Variants in CCDC73 observed in about 807,000 individuals in gnomAD.
CCDC73 encodes the protein coiled-coil domain containing 73.
CCDC73 carries 95 observed loss-of-function variants against 116.5 expected under a neutral mutation model. The ratio of observed to expected loss-of-function variants is 0.82; its 90% CI spans 0.69 to 0.97. CCDC73 has a LOEUF of 0.97. Ranked by LOEUF, CCDC73 falls within the 50% of genes least tolerant of loss-of-function variation. The probability of loss-of-function intolerance (pLI) is 0.00; values close to 1 mark genes in which losing one functional copy is unlikely to be tolerated. For missense variants in CCDC73, 1,066 were observed against 1,206.8 expected, an observed-to-expected ratio of 0.88 and a Z score of 1.73; for synonymous variants, 398 against 401.3, an observed-to-expected ratio of 0.99 and a Z score of 0.10.
chr11:32,614,009 G>GA lies in CCDC73; in HGVS notation c.2308_2309insT (p.Thr770IlefsTer2), dbSNP rs1855447882. 6 of 1,611,140 alleles carry GA rather than the reference G, an allele frequency of 3.7e-6. No individual in the cohort carries two copies. The Middle Eastern group carries it at 4.9e-4, about 133-fold the overall frequency. The stretch of plus-strand genomic sequence containing the variant: ...ATGAAGATGGGAAATGTTCACATTA[G>GA]TGTTTTCTAAGTATCCCAAACAGTT... On this transcript the variant is annotated frameshift_variant, in exon 16 of 18. Transcript: ENST00000335185. LOFTEE classifies it high-confidence loss of function.
chr11:32,817,027 C>T, the CCDC73 span, among the ~76,000 whole-genome samples: 186 of 152,274 alleles, frequency 1.2e-3, 1 homozygote, highest in Non-Finnish European at 1.3e-3. Flanking sequence ...TCAAGTGATC[C>T]GCCTGCCTCT....
the CCDC73 span, among the ~76,000 whole-genome samples, chr11:32,824,116 A>G: frequency 2.5e-4 from 38 of 152,208 alleles, no homozygotes; most frequent in South Asian, 1.0e-3. Context: ...GCTGGTCTCG[A>G]ATTCCTGACC....
At chr11:32,666,248 T>A (rs531207808) in intron 9 of CCDC73, among the ~76,000 whole-genome samples, 2,570 of 152,304 alleles carry the variant, frequency 0.017, 75 homozygotes, top group African/African-American at 0.057. Context: ...AATACCCTGC[T>A]GAGTGGTTTT....
chr11:32,829,037 G>A, the CCDC73 span, among the ~76,000 whole-genome samples: 1 of 152,180 alleles, frequency 6.6e-6, no homozygotes, highest in South Asian at 2.1e-4. Flanking sequence ...TACTCTGGAG[G>A]ATGAGACAGG....
the CCDC73 span, among the ~76,000 whole-genome samples, chr11:32,815,929 T>C: frequency 6.6e-6 from 1 of 152,168 alleles, no homozygotes; most frequent in Middle Eastern, 3.4e-3. Context: ...TGGAGTGGGG[T>C]AAGGAATGGG....
At chr11:32,830,251 C>G in the CCDC73 span, 1 of 1,042,206 alleles carries the variant, frequency 9.6e-7, no homozygotes, top group Non-Finnish European at 1.2e-6. Context: ...GGGTTGGATT[C>G]GAACACATAG....
At chr11:32,737,239 G>A (rs1850141457) in intron 2 of CCDC73, among the ~76,000 whole-genome samples, 1 of 131,070 alleles carries the variant, frequency 7.6e-6, no homozygotes, top group South Asian at 2.5e-4. Context: ...GGCTGTGTGT[G>A]TGTGTGTGTG....
At chr11:32,826,645 T>G in the CCDC73 span, among the ~76,000 whole-genome samples, 1 of 73,200 alleles carries the variant, frequency 1.4e-5, no homozygotes, top group Non-Finnish European at 2.5e-5. Flanking sequence ...TGATAATAAC[T>G]CAAAAAAAAA....
Position 32,700,794 on chromosome 11 carries a change from T to C in CCDC73, c.312A>G (p.Glu104=). The change falls in exon 5 of 18, where the codon GAA becomes GAG. Residue 104 remains glutamate, a synonymous_variant. Coordinates refer to ENST00000335185, the MANE Select transcript of CCDC73 (RefSeq NM_001008391.4). ...LQMKMCALEE[E]KGKYQLATEI... The stretch of plus-strand genomic sequence containing the variant: ...ATTTTAAAAAAATTATAAATACCTT[T>C]TCTTCTTCCAGGGCACACATCTTCA... 7.1e-7 allele frequency: 1 copy of C among 1,409,856 alleles called. No homozygotes were observed. The highest frequency in any genetic ancestry group is 1.4e-5 in the South Asian group (1 of 72,488). 87.3% of individuals were successfully genotyped at this position (1,409,856 alleles called of 1,614,324 possible).
intron 6 of CCDC73, among the ~76,000 whole-genome samples, chr11:32,692,590 C>T (rs1212178473): frequency 6.6e-6 from 1 of 152,012 alleles, no homozygotes; most frequent in Non-Finnish European, 1.5e-5. Context: ...GATCATCTAT[C>T]CCATTACTCC....
chr11:32,777,251 T>A (rs1467200536), intron 1 of CCDC73, among the ~76,000 whole-genome samples: 1 of 151,378 alleles, frequency 6.6e-6, no homozygotes, highest in Non-Finnish European at 1.5e-5. Flanking sequence ...GACACAGGCA[T>A]GTGCCACCAC....
chr11:32,707,733 G>A (rs1255950246), intron 3 of CCDC73, among the ~76,000 whole-genome samples: 1 of 152,054 alleles, frequency 6.6e-6, no homozygotes, highest in East Asian at 1.9e-4. Flanking sequence ...TCTCAAGGGG[G>A]TAAATGTATC....
At chr11:32,772,586 C>G (rs1850500651) in intron 1 of CCDC73, among the ~76,000 whole-genome samples, 1 of 152,046 alleles carries the variant, frequency 6.6e-6, no homozygotes, top group Admixed American at 6.6e-5. Flanking sequence ...TAAGGAGATA[C>G]AAGCTTCAAG....
chr11:32,800,719 T>C, the CCDC73 span, among the ~76,000 whole-genome samples: 1 of 152,122 alleles, frequency 6.6e-6, no homozygotes, highest in African/African-American at 2.4e-5. Flanking sequence ...ATTCCTCTCC[T>C]CCAAGTTGCA....
intron 2 of CCDC73, among the ~76,000 whole-genome samples, chr11:32,732,703 C>T (rs1018757175): frequency 1.9e-4 from 29 of 152,138 alleles, no homozygotes; most frequent in African/African-American, 6.5e-4. Flanking sequence ...AAATCCTTTA[C>T]AGACAAGCAA....
intron 9 of CCDC73, among the ~76,000 whole-genome samples, chr11:32,672,577 T>C (rs1262698347): frequency 2.0e-5 from 3 of 152,142 alleles, no homozygotes; most frequent in African/African-American, 7.2e-5. Context: ...TGAAAATGTG[T>C]TTATTCACAC....
At chr11:32,746,388 T>C (rs990734639) in intron 2 of CCDC73, among the ~76,000 whole-genome samples, 3 of 152,148 alleles carry the variant, frequency 2.0e-5, no homozygotes, top group Non-Finnish European at 4.4e-5. Flanking sequence ...CTTGGTGAAT[T>C]TGACAGTTAT....
chr11:32,666,878 G>A (rs1165035679), intron 9 of CCDC73, among the ~76,000 whole-genome samples: 3 of 152,170 alleles, frequency 2.0e-5, no homozygotes, highest in African/African-American at 7.2e-5. Flanking sequence ...CCTTCTAACA[G>A]TCAGGACCCT....
chr11:32,804,607 A>G, the CCDC73 span, among the ~76,000 whole-genome samples: 1 of 152,236 alleles, frequency 6.6e-6, no homozygotes, highest in Admixed American at 6.5e-5. Flanking sequence ...CCTTTGTGCA[A>G]TAAGACAAGT....
Sources: gnomAD v4.1 joint callset for allele counts (sites outside exome capture counted in the v4.1 genomes callset) on GRCh38, gnomAD v4.1.1 for gene constraint, MANE v1.5 for transcripts, NCBI Gene and HGNC (gene_info 2026-07-23, HGNC 2026-07-21) for gene names.